The following RBM47 variants were observed in gnomAD, a reference collection of about 807,000 sequenced individuals.
RBM47 encodes RNA binding motif protein 47, also known as RNA-binding protein 47.
RBM47 carries 21 observed loss-of-function variants against 47.1 expected under a neutral mutation model. That is an observed-to-expected ratio of 0.45 (90% CI 0.32 to 0.64). RBM47 has a LOEUF of 0.64. RBM47 is among the 30% of genes least tolerant of loss of function. RBM47 has a pLI of 0.05. For synonymous variants in RBM47, 375 were observed against 361.7 expected (o/e 1.04, Z -0.42); for missense variants, 708 against 870.9 (o/e 0.81, Z 2.35).
chr4:40,575,064 G>A (rs1732159534), intron 1 of RBM47, among the ~76,000 whole-genome samples: 1 of 152,114 alleles, frequency 6.6e-6, no homozygotes, highest in African/African-American at 2.4e-5. Flanking sequence ...TTTTGGTGGT[G>A]GGTGCTACTG....
At chr4:40,630,748 C>T (rs1469304401), upstream of RBM47, 1 of 152,170 alleles carries the variant, frequency 6.6e-6, no homozygotes, top group Non-Finnish European at 1.5e-5. Context: ...CCCAGATGTC[C>T]GCAATCCGCG....
At chr4:40,596,158 T>G (rs1734735844) in intron 1 of RBM47, among the ~76,000 whole-genome samples, 1 of 152,212 alleles carries the variant, frequency 6.6e-6, no homozygotes, top group African/African-American at 2.4e-5. Flanking sequence ...GAGCTGTTCT[T>G]TCTGTCACAG....
rs549913350 is a variant in RBM47, at chr4:40,545,909, G to A, written c.-239-1403C>T. On this transcript the variant is annotated intron_variant, in intron 1 of 6. Coordinates refer to ENST00000295971, the MANE Select transcript of RBM47 (RefSeq NM_001098634.2). ...AGTACCCATTTGTTGGAGACATTGT[G>A]ACAAGAGATATGAAGCCTTTGGGGC... Among the ~76,000 whole-genome samples the A allele has an allele frequency of 2.4e-4, 36 of 152,062 alleles. No homozygotes were observed. In the South Asian group the frequency reaches 7.3e-3, roughly 31 times the overall value.
intron 1 of RBM47, among the ~76,000 whole-genome samples, chr4:40,569,297 A>G (rs760269126): frequency 1.7e-4 from 26 of 152,010 alleles, no homozygotes; most frequent in Admixed American, 1.7e-3. Flanking sequence ...GTTTTCTTCA[A>G]AGGGCTAGCA....
At chr4:40,563,191 AAAATAAATAAAT>A (rs879379206) in intron 1 of RBM47, among the ~76,000 whole-genome samples, 1 of 152,168 alleles carries the variant, frequency 6.6e-6, no homozygotes, top group Non-Finnish European at 1.5e-5. Context: ...ACTCCATCTC[AAAATAAATAAAT>A]AAATAAATAA....
rs1721108461 is a variant in RBM47 at position 40,486,503 on chromosome 4, A to G, written c.-154-19804T>C. 1.3e-5 allele frequency among the ~76,000 whole-genome samples: 2 copies of G among 152,204 alleles called. 1 individual carries two copies. The highest frequency in any genetic ancestry group is 1.3e-4 in the Admixed American group (2 of 15,282). On this transcript the variant is annotated intron_variant, in intron 2 of 6. Coordinates refer to ENST00000295971, the MANE Select transcript of RBM47 (RefSeq NM_001098634.2). ...CAGTGAGTCCTACTATATCAGCAAA[A>G]ATTTTTAAATTTGGGCTGGGTGTGG...
At chr4:40,625,322 C>T (rs1737643091) in intron 1 of RBM47, among the ~76,000 whole-genome samples, 1 of 152,138 alleles carries the variant, frequency 6.6e-6, no homozygotes, top group South Asian at 2.1e-4. Flanking sequence ...TTTTGTACTT[C>T]TGTACTTTTT....
intron 2 of RBM47, among the ~76,000 whole-genome samples, chr4:40,525,827 G>A (rs917720406): frequency 2.7e-5 from 4 of 149,718 alleles, no homozygotes; most frequent in African/African-American, 1.0e-4. Flanking sequence ...AAAAGTAAGA[G>A]TTCTTAAGAA....
At chr4:40,609,573 A>G (rs1202362133) in intron 1 of RBM47, among the ~76,000 whole-genome samples, 1 of 151,762 alleles carries the variant, frequency 6.6e-6, no homozygotes, top group Non-Finnish European at 1.5e-5. Context: ...TCAGCCTCCC[A>G]AAGTGCTGGG....
intron 6 of RBM47, among the ~76,000 whole-genome samples, chr4:40,432,202 TTACACACACAC>T (rs1716246877): frequency 7.7e-5 from 6 of 77,794 alleles, no homozygotes; most frequent in Non-Finnish European, 1.3e-4. Context: ...CTCTCTCTCT[TTACACACACAC>T]ACACACACAC....
At chr4:40,447,476 G>A (rs184162995) in intron 3 of RBM47, among the ~76,000 whole-genome samples, 58 of 152,250 alleles carry the variant, frequency 3.8e-4, no homozygotes, top group African/African-American at 1.4e-3. Context: ...TTTGAACTGG[G>A]ACATTTTAGA....
intron 2 of RBM47, among the ~76,000 whole-genome samples, chr4:40,494,620 G>A (rs559522667): frequency 6.6e-6 from 1 of 152,114 alleles, no homozygotes; most frequent in Non-Finnish European, 1.5e-5. Flanking sequence ...GCATTGAGAC[G>A]AGGGCTCTCA....
chr4:40,433,022 G>A (rs770357711), intron 5 of RBM47, among the ~76,000 whole-genome samples, 160 bp from the exon 6 acceptor site: 2 of 152,036 alleles, frequency 1.3e-5, no homozygotes, highest in African/African-American at 2.4e-5. Flanking sequence ...ATGCAGTGGT[G>A]CGATCAAGGC....
At position 40,438,300 on chromosome 4, in the gene RBM47, G is replaced by A. The variant is rs1489905003; in HGVS notation, c.594C>T (p.Phe198=). Residue 198 remains phenylalanine, a synonymous_variant, in exon 4 of 7, where the codon TTC becomes TTT. Transcript: ENST00000295971. The stretch of plus-strand genomic sequence containing the variant: ...CCGCGCGGTGGCTCTCGTACTCCAC[G>A]AAGGCGAAGCCGCGGTTCTTCATCT... ...ADKMKNRGFA[F]VEYESHRAAA... 1 of 1,605,288 alleles carries A rather than the reference G, an allele frequency of 6.2e-7. No individual in the cohort carries two copies. The highest frequency in any genetic ancestry group is 8.5e-7 in the Non-Finnish European group (1 of 1,179,886).
chr4:40,451,335 G>A (rs12647748), intron 3 of RBM47, among the ~76,000 whole-genome samples: 26,309 of 151,986 alleles, frequency 0.17, 2,823 homozygotes, highest in African/African-American at 0.31. Flanking sequence ...CAAAACAACA[G>A]CTACCATAAA....
chr4:40,454,662 AT>A (rs1224430424), intron 3 of RBM47, among the ~76,000 whole-genome samples: 3 of 151,810 alleles, frequency 2.0e-5, no homozygotes, highest in Non-Finnish European at 4.4e-5. Flanking sequence ...TGCCCGGGTA[AT>A]TTTTTTGTAT....
intron 2 of RBM47, among the ~76,000 whole-genome samples, chr4:40,504,591 C>A (rs1013417415): frequency 5.9e-5 from 9 of 152,116 alleles, no homozygotes; most frequent in Non-Finnish European, 1.0e-4. Context: ...CTGCACCCGA[C>A]CCTCATTGTT....
At chr4:40,529,233 G>T (rs10428472) in intron 2 of RBM47, among the ~76,000 whole-genome samples, 1 of 151,922 alleles carries the variant, frequency 6.6e-6, no homozygotes, top group South Asian at 2.1e-4. Context: ...GTGGCTGGGC[G>T]AGGTGGCTCA....
intron 1 of RBM47, among the ~76,000 whole-genome samples, chr4:40,581,597 A>C (rs1299723149): frequency 1.3e-5 from 2 of 151,460 alleles, no homozygotes; most frequent in Non-Finnish European, 2.9e-5. Flanking sequence ...GATACAATCT[A>C]CTTGTGAGTG....
Sources: gnomAD v4.1 joint callset for allele counts (sites outside exome capture counted in the v4.1 genomes callset) on GRCh38, gnomAD v4.1.1 for gene constraint, MANE v1.5 for transcripts, NCBI Gene and HGNC (gene_info 2026-07-23, HGNC 2026-07-21) for gene names.